Variants in EGFLAM observed in about 807,000 individuals in gnomAD.
EGFLAM encodes EGF like, fibronectin type III and laminin G domains, also known as pikachurin.
A neutral mutation model predicts 113.1 loss-of-function variants in EGFLAM; 79 were observed. The ratio of observed to expected loss-of-function variants is 0.70; its 90% CI spans 0.58 to 0.84. EGFLAM has a LOEUF of 0.84. EGFLAM is among the 40% of genes least tolerant of loss of function. The probability of loss-of-function intolerance (pLI) is 0.00; values close to 1 mark genes in which losing one functional copy is unlikely to be tolerated. For missense variants in EGFLAM, 1,265 were observed against 1,291.6 expected (o/e 0.98, Z 0.32); for synonymous variants, 504 against 487.6 (o/e 1.03, Z -0.44).
intron 13 of EGFLAM, among the ~76,000 whole-genome samples, 178 bp downstream of exon 13, chr5:38,425,270 C>G (rs576606998): frequency 6.6e-6 from 1 of 152,134 alleles, no homozygotes; most frequent in African/African-American, 2.4e-5. Flanking sequence ...CTCTGCCTCC[C>G]GGGTTCAAGT....
At chr5:38,412,828 C>G (rs867651525) in intron 11 of EGFLAM, among the ~76,000 whole-genome samples, 180 bp downstream of exon 11, 4 of 152,140 alleles carry the variant, frequency 2.6e-5, no homozygotes, top group Admixed American at 6.5e-5. Context: ...ACTGAGTGGT[C>G]TTGCACTCCA....
intron 6 of EGFLAM, among the ~76,000 whole-genome samples, chr5:38,384,732 T>C (rs1740611122): frequency 6.6e-6 from 1 of 152,100 alleles, no homozygotes; most frequent in African/African-American, 2.4e-5. Context: ...TATCCCAGGC[T>C]CATTCTACTG....
intron 1 of EGFLAM, among the ~76,000 whole-genome samples, chr5:38,335,784 G>T (rs1019478734): frequency 6.6e-6 from 1 of 152,142 alleles, no homozygotes; most frequent in Non-Finnish European, 1.5e-5. Flanking sequence ...TTTGGGTTCT[G>T]TTATTAAAAA....
chr5:38,424,591 A>G (rs1032677194), intron 12 of EGFLAM, among the ~76,000 whole-genome samples: 3 of 152,130 alleles, frequency 2.0e-5, no homozygotes, highest in African/African-American at 7.2e-5. Context: ...TAACATAAAC[A>G]CCCTGTTGAC....
At chr5:38,351,691 T>A (rs1739628750) in intron 4 of EGFLAM, among the ~76,000 whole-genome samples, 1 of 152,280 alleles carries the variant, frequency 6.6e-6, no homozygotes, top group East Asian at 1.9e-4. Flanking sequence ...AGAAGGGCAT[T>A]TCCCAAATGA....
chr5:38,267,852 C>T lies in EGFLAM; in HGVS notation c.97+9001C>T, dbSNP rs144058893. ...TTAGAATGATGTTATCAGATATTCA[C>T]GCTAGAGGGTTCATTAATTAGCATA... is the stretch of plus-strand genomic sequence containing the variant. On this transcript the variant is annotated intron_variant, in intron 1 of 21. Coordinates refer to ENST00000322350, the MANE Select transcript of EGFLAM (RefSeq NM_152403.4). Among the ~76,000 whole-genome samples, 1,012 of 152,218 alleles carry T rather than the reference C, an allele frequency of 6.6e-3. 5 individuals are homozygous for T. The highest frequency in any genetic ancestry group is 9.6e-3 in the Non-Finnish European group (651 of 68,016).
At chr5:38,309,435 A>C (rs1156602539) in intron 1 of EGFLAM, among the ~76,000 whole-genome samples, 1 of 152,204 alleles carries the variant, frequency 6.6e-6, no homozygotes, top group East Asian at 1.9e-4. Flanking sequence ...TGTTGATTAT[A>C]TTTAAGCCCA....
chr5:38,431,226 C>T lies in EGFLAM; in HGVS notation c.2104C>T (p.Arg702Cys), dbSNP rs779331618. 13 of 1,614,044 alleles carry T rather than the reference C, an allele frequency of 8.1e-6. No individual in the cohort carries two copies. The highest frequency in any genetic ancestry group is 9.3e-6 in the Non-Finnish European group (11 of 1,180,026). ...CAACTGGCACGAGCTTCGTGTATCT[C>T]GCACAGCAAAGAATGGAATCTTACA... ...LGNWHELRVS[R>C]TAKNGILQVD... The change falls in exon 15 of 22, where the codon CGC (arginine) becomes TGC (cysteine). Residue 702 changes from arginine to cysteine, a missense_variant. By Grantham distance (180) the Arg-to-Cys change is radical (BLOSUM62 -3). Transcript: ENST00000322350.
intron 6 of EGFLAM, among the ~76,000 whole-genome samples, chr5:38,398,548 G>C (rs1235063588): frequency 6.6e-6 from 1 of 152,216 alleles, no homozygotes; most frequent in East Asian, 1.9e-4. Flanking sequence ...AAAAGGTAAA[G>C]GGATGGGCAG....
At chr5:38,436,444 C>G (rs1042000515) in intron 16 of EGFLAM, among the ~76,000 whole-genome samples, 2 of 152,128 alleles carry the variant, frequency 1.3e-5, no homozygotes, top group Non-Finnish European at 2.9e-5. Flanking sequence ...TATCTCGCAT[C>G]GCAGTGTCAG....
chr5:38,332,452 A>T (rs187300622), intron 1 of EGFLAM, among the ~76,000 whole-genome samples: 210 of 152,232 alleles, frequency 1.4e-3, no homozygotes, highest in Non-Finnish European at 2.3e-3. Context: ...TCCCCCATCA[A>T]GTAGACCCCA....
rs137857110 is a variant in EGFLAM, at chr5:38,323,159, T to G, written c.98-14361T>G. On this transcript the variant is annotated intron_variant, in intron 1 of 21. Coordinates refer to ENST00000322350, the MANE Select transcript of EGFLAM (RefSeq NM_152403.4). ...GTTCTTTCTGTGAAAATCAAATAAC[T>G]AAAAAGCTAGCAATGTATTTCTGTC... Among the ~76,000 whole-genome samples the G allele has an allele frequency of 5.1e-4, 78 of 152,354 alleles. 1 individual carries two copies. In the East Asian group the frequency reaches 0.014, roughly 27 times the overall value.
intron 1 of EGFLAM, among the ~76,000 whole-genome samples, chr5:38,293,249 A>G (rs1057027691): frequency 2.0e-5 from 3 of 152,224 alleles, no homozygotes; most frequent in Non-Finnish European, 2.9e-5. Flanking sequence ...CATGGGCTTG[A>G]GTTCCAGTTC....
At chr5:38,337,744 C>A in intron 2 of EGFLAM, 115 bp downstream of exon 2, 1 of 843,264 alleles carries the variant, frequency 1.2e-6, no homozygotes, top group Non-Finnish European at 1.9e-6. Flanking sequence ...GCCCCATTCT[C>A]CCTCCATAAA....
At chr5:38,324,864 T>G (rs1169992169) in intron 1 of EGFLAM, among the ~76,000 whole-genome samples, 6 of 152,154 alleles carry the variant, frequency 3.9e-5, no homozygotes, top group Admixed American at 3.9e-4. Flanking sequence ...GGAGACAGTG[T>G]GATCAACTTG....
At chr5:38,313,776 T>A (rs1410116025) in intron 1 of EGFLAM, among the ~76,000 whole-genome samples, 3 of 152,232 alleles carry the variant, frequency 2.0e-5, no homozygotes, top group African/African-American at 7.2e-5. Context: ...AATATTTGAA[T>A]GTTTTTCTGT....
chr5:38,381,602 A>G (rs2731969), intron 6 of EGFLAM, among the ~76,000 whole-genome samples: 12,444 of 152,224 alleles, frequency 0.082, 515 homozygotes, highest in South Asian at 0.13. Context: ...TCATGTGCTA[A>G]TTGGGACCAG....
intron 6 of EGFLAM, among the ~76,000 whole-genome samples, chr5:38,390,135 C>T (rs1337296009): frequency 6.6e-6 from 1 of 152,138 alleles, no homozygotes; most frequent in Non-Finnish European, 1.5e-5. Context: ...CTTCCCGCTT[C>T]CTGAGGGGTT....
chr5:38,438,350 C>A lies in EGFLAM; in HGVS notation c.2359C>A (p.Pro787Thr). The A allele has an allele frequency of 6.2e-7, 1 of 1,614,148 alleles. No homozygotes were observed. Among genetic ancestry groups the A allele is most frequent in the South Asian group, 1.1e-5 (1 of 91,048 alleles). Reference sequence around the variant, plus strand: ...AGTGAATGTGGAGAATGCGGCCCACCCCTGTGTGAGAGCCCCTTGTGCCCA... The same window carrying A: ...AGTGAATGTGGAGAATGCGGCCCACACCTGTGTGAGAGCCCCTTGTGCCCA... The part of the protein sequence containing the change: ...SGVNVENAAH[P>T]CVRAPCAHGG... Residue 787 changes from proline to threonine, a missense_variant, in exon 17 of 22, where the codon CCC (proline) becomes ACC (threonine). Pro to Thr is a conservative substitution (Grantham distance 38). Coordinates refer to ENST00000322350, the MANE Select transcript of EGFLAM (RefSeq NM_152403.4).
Sources: gnomAD v4.1 joint callset for allele counts (sites outside exome capture counted in the v4.1 genomes callset) on GRCh38, gnomAD v4.1.1 for gene constraint, MANE v1.5 for transcripts, NCBI Gene and HGNC (gene_info 2026-07-23, HGNC 2026-07-21) for gene names.